BRF1: variants seen among roughly 807,000 people sequenced by gnomAD.
The protein encoded by BRF1 is BRF1 general transcription factor IIIB subunit.
A neutral mutation model predicts 81.7 loss-of-function variants in BRF1; 59 were observed. That is an observed-to-expected ratio of 0.72 (90% CI 0.59 to 0.90). The LOEUF is 0.90. Among genes scored for constraint, BRF1 ranks in the 40% least tolerant of loss-of-function variants. BRF1 has a pLI of 0.00. For missense variants in BRF1, 1,050 were observed against 936.3 expected, an observed-to-expected ratio of 1.12 and a Z score of -1.58; for synonymous variants, 491 against 395.6, an observed-to-expected ratio of 1.24 and a Z score of -2.86.
chr14:105,247,088 G>T (rs780568831), intron 5 of BRF1: 19 of 985,338 alleles, frequency 1.9e-5, no homozygotes, highest in Non-Finnish European at 2.0e-5. Flanking sequence ...TATGGAAACA[G>T]ACGGCTGGGA....
Position 105,309,528 on chromosome 14 carries a change from G to C in BRF1, c.-162+5794C>G, listed in dbSNP as rs970337916. Among the ~76,000 whole-genome samples the C allele has an allele frequency of 6.6e-6, 1 of 152,188 alleles. No individual in the cohort carries two copies. The highest frequency in any genetic ancestry group is 1.5e-5 in the Non-Finnish European group (1 of 68,038). Reference sequence around the variant, plus strand: ...ACACACCTGGACCTGTGTCCCTGTTGACATTTCCAGTGTCACCTGCAGGAT... The same window carrying C: ...ACACACCTGGACCTGTGTCCCTGTTCACATTTCCAGTGTCACCTGCAGGAT... On this transcript the variant is annotated intron_variant, in intron 1 of 17. Transcript: ENST00000327359. The surrounding 1 kb of genome is among the most constrained non-coding windows in gnomAD (Gnocchi z 4.0).
chr14:105,220,661 C>T (rs1011788350), intron 11 of BRF1, among the ~76,000 whole-genome samples: 9 of 152,324 alleles, frequency 5.9e-5, no homozygotes, highest in Middle Eastern at 3.4e-3. Flanking sequence ...CCCAGCCCCA[C>T]GCAGTCCAGG....
intron 1 of BRF1, among the ~76,000 whole-genome samples, chr14:105,312,897 C>A (rs1259946069): frequency 6.6e-6 from 1 of 152,196 alleles, no homozygotes; most frequent in Non-Finnish European, 1.5e-5. Context: ...CATACGGGTT[C>A]TTCGGGCCAC....
chr14:105,213,326 G>A (rs1463939521), intron 15 of BRF1: 1 of 152,248 alleles, frequency 6.6e-6, no homozygotes, highest in Non-Finnish European at 1.5e-5. Context: ...TAAGTCCCCA[G>A]GAGATTCATG....
chr14:105,268,534 A>C (rs932607053), intron 3 of BRF1, among the ~76,000 whole-genome samples: 1 of 152,256 alleles, frequency 6.6e-6, no homozygotes, highest in Non-Finnish European at 1.5e-5. Flanking sequence ...TAGTGGACAC[A>C]CCTGAGGATC....
In BRF1 at chr14:105,209,345, T is replaced by C; in HGVS notation, c.*1206A>G. The C allele has an allele frequency of 3.5e-6, 2 of 571,150 alleles. No homozygotes were observed. Among genetic ancestry groups the C allele is most frequent in the East Asian group, 3.1e-5 (1 of 32,708 alleles). The allele number at this position is 571,150 out of a possible 1,614,324, so 35.4% of individuals were successfully genotyped here. A position where few individuals can be genotyped will look rare whatever the true frequency, so the allele number is the denominator to read the frequency against. On this transcript the variant is annotated 3_prime_UTR_variant, in exon 18 of 18. Coordinates refer to ENST00000547530, the MANE Select transcript of BRF1 (RefSeq NM_001519.4). ...CTAAATCTATTCTTCCCCCAAGCCC[T>C]CGAGAAGCCCTGGCAGGACCCAGGC...
intron 7 of BRF1, 98 bp downstream of exon 7, chr14:105,228,722 C>T (rs1566816535): frequency 1.4e-6 from 2 of 1,382,502 alleles, no homozygotes; most frequent in East Asian, 4.6e-5. Flanking sequence ...CGGGGGACGG[C>T]AGGGTCCCGG....
intron 12 of BRF1, 64 bp from the exon 13 acceptor site, chr14:105,219,296 G>A (rs756506821): frequency 3.4e-5 from 54 of 1,594,448 alleles, no homozygotes; most frequent in African/African-American, 2.1e-4. Flanking sequence ...TGCTAAGGTC[G>A]CGCTGGCCAG....
At chr14:105,296,072 C>T (rs1409308314) in intron 1 of BRF1, among the ~76,000 whole-genome samples, 2 of 123,022 alleles carry the variant, frequency 1.6e-5, no homozygotes, top group African/African-American at 3.4e-5. Flanking sequence ...CAGAGCGACA[C>T]TCTATCTCAA....
chr14:105,254,081 G>A (rs890102452), intron 4 of BRF1, among the ~76,000 whole-genome samples: 1 of 152,128 alleles, frequency 6.6e-6, no homozygotes, highest in Non-Finnish European at 1.5e-5. Flanking sequence ...GCAGAACCAT[G>A]ATCTGCTGCT....
chr14:105,313,684 G>T (rs1339651990), intron 1 of BRF1, among the ~76,000 whole-genome samples: 1 of 152,202 alleles, frequency 6.6e-6, no homozygotes, highest in Non-Finnish European at 1.5e-5. Context: ...GCTCGGGCTG[G>T]ATTTGTTTCA....
At chr14:105,294,068 G>A (rs897146663) in intron 1 of BRF1, among the ~76,000 whole-genome samples, 5 of 152,166 alleles carry the variant, frequency 3.3e-5, no homozygotes, top group Admixed American at 3.3e-4. Context: ...GATCACCACT[G>A]TGACGAGGGA....
At chr14:105,224,023 G>C (rs897923138) in intron 10 of BRF1, among the ~76,000 whole-genome samples, 2 of 152,202 alleles carry the variant, frequency 1.3e-5, no homozygotes, top group African/African-American at 4.8e-5. Context: ...AAGCCAATGA[G>C]AATTCCCAAC....
intron 16 of BRF1, 88 bp downstream of exon 16, chr14:105,212,025 C>T (rs1478333103): frequency 2.6e-6 from 4 of 1,549,898 alleles, no homozygotes; most frequent in African/African-American, 1.4e-5. Context: ...GCCTGCTCTC[C>T]CTGTGGTCAC....
intron 5 of BRF1, among the ~76,000 whole-genome samples, chr14:105,245,287 G>A (rs2055006853): frequency 6.6e-6 from 1 of 152,134 alleles, no homozygotes. Flanking sequence ...CTTGAACCTG[G>A]GAGGTGGAGG....
chr14:105,272,827 G>C lies in BRF1; in HGVS notation c.333C>G (p.Phe111Leu). The C allele has an allele frequency of 6.2e-7, 1 of 1,614,080 alleles. No homozygotes were observed. The highest frequency in any genetic ancestry group is 8.5e-7 in the Non-Finnish European group (1 of 1,180,012). ...TGCTCACGGCCATCTTGAAGAAGTTGAAGGCGGTGTCCAGGCAGTGCTGGT... is the reference window on the plus strand; with the variant it reads ...TGCTCACGGCCATCTTGAAGAAGTTCAAGGCGGTGTCCAGGCAGTGCTGGT... ...QLNQHCLDTA[F>L]NFFKMAVSRH... The change falls in exon 3 of 18, where the codon TTC (phenylalanine) becomes TTG (leucine). Residue 111 changes from phenylalanine (F) to leucine (L), a missense_variant. Phe to Leu is a conservative substitution (Grantham distance 22). Coordinates refer to ENST00000547530, the MANE Select transcript of BRF1 (RefSeq NM_001519.4).
At chr14:105,279,042 C>CA (rs1235694606) in intron 2 of BRF1, among the ~76,000 whole-genome samples, 4 of 151,476 alleles carry the variant, frequency 2.6e-5, no homozygotes, top group African/African-American at 9.7e-5. Context: ...GACTCCATGT[C>CA]AAAGAAAAAA....
At chr14:105,256,728 G>A (rs1595402950) in intron 3 of BRF1, among the ~76,000 whole-genome samples, 179 bp from the exon 4 acceptor site, 3 of 152,202 alleles carry the variant, frequency 2.0e-5, no homozygotes, top group African/African-American at 7.2e-5. Flanking sequence ...GCACGCTCAG[G>A]CCTCACCAGA....
At chr14:105,310,491 C>G (rs888747448) in intron 1 of BRF1, among the ~76,000 whole-genome samples, 3 of 133,112 alleles carry the variant, frequency 2.3e-5, no homozygotes, top group Admixed American at 8.7e-5. Flanking sequence ...GATGGCACCA[C>G]TGCACTCCAG....
Sources: gnomAD v4.1 joint callset for allele counts (sites outside exome capture counted in the v4.1 genomes callset) on GRCh38, gnomAD v4.1.1 for gene constraint, Gnocchi (gnomAD v3.1) non-coding constraint, MANE v1.5 for transcripts, NCBI Gene and HGNC (gene_info 2026-07-23, HGNC 2026-07-21) for gene names.